The following KAT6B variants were observed in gnomAD, a reference collection of about 807,000 sequenced individuals.
KAT6B encodes lysine acetyltransferase 6B, also known as histone acetyltransferase KAT6B.
KAT6B carries 10 observed loss-of-function variants against 187.5 expected under a neutral mutation model. The observed-to-expected ratio is 0.05, with a 90% CI of 0.03 to 0.09. The LOEUF (loss-of-function observed/expected upper bound fraction) is 0.09. Among genes scored for constraint, KAT6B ranks in the 10% least tolerant of loss-of-function variants. The pLI is 1.00. For synonymous variants in KAT6B, 861 were observed against 926.8 expected, an observed-to-expected ratio of 0.93 and a Z score of 1.29; for missense variants, 1,952 against 2,558.9, an observed-to-expected ratio of 0.76 and a Z score of 5.12.
chr10:74,831,960 C>G (rs1326376603), intron 1 of KAT6B, among the ~76,000 whole-genome samples: 7 of 152,210 alleles, frequency 4.6e-5, no homozygotes, highest in Non-Finnish European at 7.3e-5. Context: ...TGTCAGAAAC[C>G]TGTTTTTTGA....
At chr10:74,947,063 G>A (rs1589683015) in intron 3 of KAT6B, among the ~76,000 whole-genome samples, 2 of 152,120 alleles carry the variant, frequency 1.3e-5, no homozygotes, top group East Asian at 1.9e-4. Context: ...TCAGTGGCAC[G>A]ATCTTGGCTC....
intron 3 of KAT6B, among the ~76,000 whole-genome samples, chr10:74,929,644 A>T (rs1848731793): frequency 6.6e-6 from 1 of 152,204 alleles, no homozygotes; most frequent in Non-Finnish European, 1.5e-5. Flanking sequence ...TGGTTAATTA[A>T]TGGGAAAATA....
chr10:75,014,405 A>T (rs1451407708), intron 13 of KAT6B, among the ~76,000 whole-genome samples: 3 of 152,202 alleles, frequency 2.0e-5, no homozygotes, highest in Admixed American at 1.3e-4. Flanking sequence ...TAAAACATGT[A>T]AAATAATGCC....
At chr10:74,859,737 CCTT>C (rs1167357411) in intron 3 of KAT6B, among the ~76,000 whole-genome samples, 1 of 152,176 alleles carries the variant, frequency 6.6e-6, no homozygotes, top group Middle Eastern at 3.2e-3. Flanking sequence ...CCTCTATAAA[CCTT>C]CTAACTTAAC....
rs145788035 is a variant in KAT6B, at chr10:74,901,938, G to A, written c.622-58032G>A. 6.2e-3 allele frequency among the ~76,000 whole-genome samples: 938 copies of A among 152,220 alleles called. 6 individuals carry two copies. Among genetic ancestry groups the A allele is most frequent in the Middle Eastern group, 0.051 (15 of 294 alleles). On this transcript the variant is annotated intron_variant, in intron 3 of 17. Coordinates refer to ENST00000287239, the MANE Select transcript of KAT6B (RefSeq NM_012330.4). Reference sequence around the variant, plus strand: ...AAATCATTTGTTAAAAAGAGAGCTGGAAACTTGTCAGAAATCAAAGAAGTG... The same window carrying A: ...AAATCATTTGTTAAAAAGAGAGCTGAAAACTTGTCAGAAATCAAAGAAGTG...
chr10:74,858,487 G>A (rs1044848824), intron 3 of KAT6B, among the ~76,000 whole-genome samples: 5 of 151,804 alleles, frequency 3.3e-5, no homozygotes, highest in Non-Finnish European at 5.9e-5. Flanking sequence ...CATTTTGCCC[G>A]GGCTGGTCTC....
intron 3 of KAT6B, among the ~76,000 whole-genome samples, chr10:74,866,949 C>T (rs896593160): frequency 6.6e-6 from 1 of 152,170 alleles, no homozygotes; most frequent in African/African-American, 2.4e-5. Context: ...TGGGGAAATA[C>T]TGTATCAGGT....
chr10:74,829,028 AG>A (rs890748143), intron 1 of KAT6B, among the ~76,000 whole-genome samples: 12 of 151,776 alleles, frequency 7.9e-5, no homozygotes, highest in African/African-American at 2.7e-4. Context: ...AAAAAAGAAA[AG>A]AAAAGAGAGA....
chr10:74,835,538 A>C (rs1046459813), intron 1 of KAT6B, among the ~76,000 whole-genome samples: 13 of 152,372 alleles, frequency 8.5e-5, no homozygotes, highest in Admixed American at 8.5e-4. Context: ...TCCTTGTCAC[A>C]GAGATCTAAA....
chr10:74,937,801 T>C (rs1307937031), intron 3 of KAT6B, among the ~76,000 whole-genome samples: 2 of 152,272 alleles, frequency 1.3e-5, no homozygotes, highest in Non-Finnish European at 2.9e-5. Flanking sequence ...TCTTAAATTA[T>C]TGCTGTCGCT....
chr10:75,017,280 T>C (rs1589815338), intron 13 of KAT6B, among the ~76,000 whole-genome samples: 1 of 152,214 alleles, frequency 6.6e-6, no homozygotes, highest in East Asian at 1.9e-4. Context: ...AAGTGAAATG[T>C]TCTTACCAAA....
chr10:75,013,179 C>T (rs1273106496), intron 13 of KAT6B, among the ~76,000 whole-genome samples: 1 of 152,208 alleles, frequency 6.6e-6, no homozygotes, highest in Non-Finnish European at 1.5e-5. Context: ...TGTCTTGGGA[C>T]TGTCCCTGGG....
intron 3 of KAT6B, among the ~76,000 whole-genome samples, chr10:74,876,589 A>G (rs1214683618): frequency 1.3e-5 from 2 of 152,086 alleles, no homozygotes; most frequent in East Asian, 1.9e-4. Flanking sequence ...GAGGTTTTGT[A>G]TGTTAATGTG....
intron 3 of KAT6B, among the ~76,000 whole-genome samples, chr10:74,861,455 ACTT>A (rs1310833466): frequency 6.6e-6 from 1 of 152,244 alleles, no homozygotes; most frequent in Non-Finnish European, 1.5e-5. Flanking sequence ...GGCAGGCACT[ACTT>A]CAAGTGCTTT....
intron 1 of KAT6B, among the ~76,000 whole-genome samples, chr10:74,836,387 C>T (rs566801785): frequency 6.4e-4 from 98 of 152,248 alleles, no homozygotes; most frequent in Middle Eastern, 3.4e-3. Flanking sequence ...TTTGAGGAAC[C>T]GCCAAACAGT....
chr10:74,827,755 T>TC (rs1564889697), intron 1 of KAT6B, among the ~76,000 whole-genome samples: 1 of 152,080 alleles, frequency 6.6e-6, no homozygotes, highest in Non-Finnish European at 1.5e-5. Context: ...TTTGGTGGAC[T>TC]GTGCCAGGGG....
At chr10:74,961,534 G>T in intron 4 of KAT6B, among the ~76,000 whole-genome samples, 1 of 152,068 alleles carries the variant, frequency 6.6e-6, no homozygotes, top group East Asian at 1.9e-4. Context: ...CTTACCTCTG[G>T]TGATACACTT....
At chr10:74,981,973 A>G in intron 11 of KAT6B, 45 bp downstream of exon 11, 2 of 1,553,572 alleles carry the variant, frequency 1.3e-6, no homozygotes, top group Non-Finnish European at 1.8e-6. Context: ...GAAATCTAGT[A>G]CTCCTAATTG....
intron 3 of KAT6B, among the ~76,000 whole-genome samples, chr10:74,893,457 GTT>G (rs34203053): frequency 3.4e-5 from 5 of 145,376 alleles, no homozygotes; most frequent in African/African-American, 1.3e-4. Context: ...AAATCAGTGG[GTT>G]TTTTTTTTTG....
Sources: allele counts gnomAD v4.1 joint callset (sites outside exome capture counted in the v4.1 genomes callset), GRCh38; gene constraint gnomAD v4.1.1; transcripts MANE v1.5; gene names NCBI Gene and HGNC (gene_info 2026-07-23, HGNC 2026-07-21).